Variants in FAM184B observed in about 807,000 individuals in gnomAD.
FAM184B encodes the protein protein FAM184B.
A neutral mutation model predicts 135.9 loss-of-function variants in FAM184B; 111 were observed. The observed-to-expected ratio is 0.82, with a 90% CI of 0.70 to 0.96. FAM184B has a LOEUF of 0.96. Among genes scored for constraint, FAM184B ranks in the 40% least tolerant of loss-of-function variants. FAM184B has a pLI of 0.00. For synonymous variants in FAM184B, 552 were observed against 524.8 expected, an observed-to-expected ratio of 1.05 and a Z score of -0.71; for missense variants, 1,375 against 1,323.9, an observed-to-expected ratio of 1.04 and a Z score of -0.60.
intron 7 of FAM184B, among the ~76,000 whole-genome samples, chr4:17,682,199 C>T (rs1466306205): frequency 6.6e-6 from 1 of 152,156 alleles, no homozygotes; most frequent in Non-Finnish European, 1.5e-5. Flanking sequence ...TTCAGTGTGG[C>T]CCAGGCACCA....
chr4:17,694,912 C>T (rs1236819999), intron 5 of FAM184B, among the ~76,000 whole-genome samples: 1 of 152,096 alleles, frequency 6.6e-6, no homozygotes, highest in Non-Finnish European at 1.5e-5. Context: ...AGAAGTGCTC[C>T]AGAAAGTGAC....
chr4:17,745,621 TA>T (rs1314850546), intron 1 of FAM184B, among the ~76,000 whole-genome samples: 1 of 152,160 alleles, frequency 6.6e-6, no homozygotes, highest in Admixed American at 6.5e-5. Context: ...CCTCCATCAA[TA>T]GGTGCACCCT....
At position 17,781,205 on chromosome 4, in the gene FAM184B, G is replaced by A. The variant is rs1050378257; in HGVS notation, c.95C>T (p.Pro32Leu). 1 of 1,550,484 alleles carries A rather than the reference G, an allele frequency of 6.4e-7. No homozygotes were observed. The highest frequency in any genetic ancestry group is 1.4e-5 in the African/African-American group (1 of 73,010). ...GGAGWRMDCD[P>L]QMHVKMCKKI... ...CTTGCACATTTTCACGTGCATCTGG[G>A]GATCACAGTCCATTCTCCAGCCGGC... The change falls in exon 1 of 18, where the codon CCC becomes CTC. Residue 32 changes from proline (P) to leucine (L), a missense_variant. Pro to Leu is a moderately conservative substitution (Grantham distance 98, BLOSUM62 -3). Transcript: ENST00000265018. This position sits in a 1 kb window ranked among gnomAD's most constrained non-coding sequence, Gnocchi z 6.5.
intron 6 of FAM184B, 74 bp from the exon 7 acceptor site, chr4:17,688,605 A>T: frequency 4.3e-6 from 5 of 1,154,724 alleles, no homozygotes; most frequent in South Asian, 1.5e-5. Flanking sequence ...TCATCCGGGA[A>T]TCAATTCTCC....
At chr4:17,634,015 C>T in intron 16 of FAM184B, 127 bp from the exon 17 acceptor site, 1 of 627,968 alleles carries the variant, frequency 1.6e-6, no homozygotes, top group Non-Finnish European at 2.4e-6. Context: ...TTCATTTATA[C>T]ACTTACATGC....
At chr4:17,673,193 T>C (rs1716219893) in intron 7 of FAM184B, among the ~76,000 whole-genome samples, 1 of 152,004 alleles carries the variant, frequency 6.6e-6, no homozygotes, top group South Asian at 2.1e-4. Flanking sequence ...AAATCACTAA[T>C]TATCAGGGAA....
chr4:17,745,167 G>A (rs536185535), intron 1 of FAM184B, among the ~76,000 whole-genome samples: 3 of 152,326 alleles, frequency 2.0e-5, no homozygotes, highest in East Asian at 1.9e-4. Flanking sequence ...GCCAGGCATT[G>A]GAGAGAGAAT....
In FAM184B at chr4:17,639,338, C is replaced by G. The variant is rs1180903504; in HGVS notation, c.2578G>C (p.Glu860Gln). 1 of 1,551,598 alleles carries G rather than the reference C, an allele frequency of 6.4e-7. No homozygotes were observed. The highest frequency in any genetic ancestry group is 8.7e-7 in the Non-Finnish European group (1 of 1,146,970). The change falls in exon 14 of 18, where the codon GAA becomes CAA. Residue 860 changes from glutamate (E) to glutamine (Q), a missense_variant. Glu to Gln is a conservative substitution (Grantham distance 29, BLOSUM62 2). Transcript: ENST00000265018. ...RAREVETLRQ[E>Q]HRKEMQAMVA... ...ATGGCCTGCATCTCCTTCCGGTGTT[C>G]CTGGCGCAGTGTCTCCACCTCCCTG... is the stretch of plus-strand genomic sequence containing the variant.
At chr4:17,688,642 C>A (rs1368515314) in intron 6 of FAM184B, 111 bp from the exon 7 acceptor site, 2 of 626,830 alleles carry the variant, frequency 3.2e-6, no homozygotes, top group African/African-American at 3.9e-5. Context: ...GGGGAGAGTG[C>A]CCCATTAGAC....
chr4:17,649,385 C>A (rs1560167397), intron 11 of FAM184B, among the ~76,000 whole-genome samples: 1 of 150,096 alleles, frequency 6.7e-6, no homozygotes, highest in Non-Finnish European at 1.5e-5. Context: ...GAGATCGAGA[C>A]CATACTGGCT....
At chr4:17,638,784 G>GGAACACA (rs1715223355) in intron 14 of FAM184B, among the ~76,000 whole-genome samples, 1 of 152,054 alleles carries the variant, frequency 6.6e-6, no homozygotes, top group African/African-American at 2.4e-5. Context: ...GCAGAAAAGG[G>GGAACACA]GAACATAGCC....
intron 7 of FAM184B, among the ~76,000 whole-genome samples, chr4:17,685,063 G>A (rs1236819554): frequency 6.6e-6 from 1 of 151,956 alleles, no homozygotes; most frequent in Non-Finnish European, 1.5e-5. Context: ...TTGGGTTGAG[G>A]AGAGCATTAG....
chr4:17,699,810 T>C (rs1295155308), intron 5 of FAM184B, among the ~76,000 whole-genome samples: 1 of 152,100 alleles, frequency 6.6e-6, no homozygotes, highest in Non-Finnish European at 1.5e-5. Context: ...CATTAACTTT[T>C]TTTTCTCTAA....
chr4:17,770,420 G>A (rs1227693230), intron 1 of FAM184B, among the ~76,000 whole-genome samples: 3 of 148,232 alleles, frequency 2.0e-5, no homozygotes, highest in Non-Finnish European at 4.5e-5. Context: ...AAGTCACCAG[G>A]ACTTGCCTCA....
chr4:17,665,430 A>G (rs541511860), intron 7 of FAM184B, among the ~76,000 whole-genome samples: 1 of 152,342 alleles, frequency 6.6e-6, no homozygotes, highest in East Asian at 1.9e-4. Context: ...ACTGTCCATG[A>G]AAACAGTATA....
intron 5 of FAM184B, among the ~76,000 whole-genome samples, chr4:17,696,662 A>G (rs1412183053): frequency 6.6e-6 from 1 of 152,068 alleles, no homozygotes; most frequent in Admixed American, 6.6e-5. Flanking sequence ...ATTTTTAAAA[A>G]ATTAGCTGGG....
intron 1 of FAM184B, among the ~76,000 whole-genome samples, chr4:17,780,876 C>T (rs1214830774): frequency 1.3e-5 from 2 of 152,204 alleles, no homozygotes; most frequent in Middle Eastern, 3.2e-3. Flanking sequence ...GACACACACA[C>T]ACACACGATT....
At chr4:17,727,164 C>T (rs774333944) in intron 1 of FAM184B, among the ~76,000 whole-genome samples, 1 of 152,198 alleles carries the variant, frequency 6.6e-6, no homozygotes, top group Non-Finnish European at 1.5e-5. Flanking sequence ...AACTTCAGAA[C>T]TGGAGGAGAC....
rs770489598 is a variant in FAM184B, at chr4:17,709,492, T to A, written c.294A>T (p.Leu98=). ...CGCTCTCCAGGGCCTGGATGCGCTG[T>A]AGAAGGGCTTCCTCCTCTGCGCAGC... ...EQGCAEEEAL[L]QRIQALESAL... Residue 98 remains leucine, a synonymous_variant, in exon 2 of 18, where the codon CTA becomes CTT. Transcript: ENST00000265018. 1 of 1,549,922 alleles carries A rather than the reference T, an allele frequency of 6.5e-7. No homozygotes were observed. Among genetic ancestry groups the A allele is most frequent in the Non-Finnish European group, 8.7e-7 (1 of 1,146,272 alleles).
Sources: gnomAD v4.1 joint callset for allele counts (sites outside exome capture counted in the v4.1 genomes callset) on GRCh38, gnomAD v4.1.1 for gene constraint, Gnocchi (gnomAD v3.1) non-coding constraint, MANE v1.5 for transcripts, NCBI Gene and HGNC (gene_info 2026-07-23, HGNC 2026-07-21) for gene names.